UBN2: variants seen among roughly 807,000 people sequenced by gnomAD.
The protein encoded by UBN2 is ubinuclein 2.
A neutral mutation model predicts 120.2 loss-of-function variants in UBN2; 35 were observed. That is an observed-to-expected ratio of 0.29 (90% CI 0.22 to 0.39). UBN2 has a LOEUF of 0.39. UBN2 is among the 10% of genes least tolerant of loss of function. The pLI, the probability that UBN2 is intolerant of heterozygous loss-of-function variation, is 1.00. For missense variants in UBN2, 1,693 were observed against 1,663.2 expected (o/e 1.02, Z -0.31); for synonymous variants, 661 against 648.7 (o/e 1.02, Z -0.29).
Position 139,252,845 on chromosome 7 carries a change from CTCAA to C in UBN2, c.663+793_663+796del, listed in dbSNP as rs1199799456. Among the ~76,000 whole-genome samples the C allele has an allele frequency of 2.0e-5, 3 of 152,180 alleles. No homozygotes were observed. In the East Asian group the frequency reaches 5.8e-4, roughly 29 times the overall value. ...AAAACATTAAGTTAAGCTAGTGGTT[CTCAA>C]TCAAGGGTGAGAATATTAGTACACT... is the stretch of plus-strand genomic sequence containing the variant. On this transcript the variant is annotated intron_variant, in intron 3 of 17. Coordinates refer to ENST00000473989, the MANE Select transcript of UBN2 (RefSeq NM_173569.4).
intron 13 of UBN2, 34 bp downstream of exon 13, chr7:139,279,394 A>C: frequency 6.5e-7 from 1 of 1,529,836 alleles, no homozygotes; most frequent in Non-Finnish European, 9.0e-7. Context: ...AATTAGTTAT[A>C]GTTGGTGAAT....
the UBN2 span, among the ~76,000 whole-genome samples, chr7:139,323,465 A>G: frequency 6.6e-6 from 1 of 152,130 alleles, no homozygotes; most frequent in South Asian, 2.1e-4. Flanking sequence ...CTTCGTTCCC[A>G]AATTTTTGTA....
At position 139,290,865 on chromosome 7, in the gene UBN2, G is replaced by A. The variant is rs149008053; in HGVS notation, c.3670-2367G>A. Among the ~76,000 whole-genome samples the A allele has an allele frequency of 5.3e-5, 8 of 152,288 alleles. No individual in the cohort carries two copies. In the East Asian group the frequency reaches 1.3e-3, roughly 26 times the overall value. On this transcript the variant is annotated intron_variant, in intron 15 of 17. Coordinates refer to ENST00000473989, the MANE Select transcript of UBN2 (RefSeq NM_173569.4). ...AGTGTATAAATATATGTAATGTTAT[G>A]TGGCATGTGTGTGTGGAAAGATTGT... is the stretch of plus-strand genomic sequence containing the variant.
chr7:139,297,062 T>C (rs536205515), intron 17 of UBN2, among the ~76,000 whole-genome samples: 1 of 151,934 alleles, frequency 6.6e-6, no homozygotes, highest in South Asian at 2.1e-4. Context: ...GGCATGGTGG[T>C]GTGCGCCTGT....
intron 1 of UBN2, among the ~76,000 whole-genome samples, chr7:139,232,436 G>C (rs991488921): frequency 2.0e-5 from 3 of 152,174 alleles, no homozygotes; most frequent in Non-Finnish European, 4.4e-5. Context: ...TGTTTGTTTT[G>C]CTGGGCGCCG....
rs2131039326 is a variant in UBN2, at chr7:139,284,021, T to C, written c.3116T>C (p.Leu1039Pro). Reference sequence around the variant, plus strand: ...TTCTCGATGGCTGCCTCCCCAAAACTTGCCGCATCTCCCAAGCCTGCCACA... The same window carrying C: ...TTCTCGATGGCTGCCTCCCCAAAACCTGCCGCATCTCCCAAGCCTGCCACA... ...SPFSMAASPK[L>P]AASPKPATSP... The change falls in exon 15 of 18, where the codon CTT (leucine) becomes CCT (proline). Residue 1039 changes from leucine (L) to proline (P), a missense_variant. Leu to Pro is a moderately conservative substitution (Grantham distance 98). Transcript: ENST00000473989. 6.2e-7 allele frequency: 1 copy of C among 1,613,908 alleles called. No individual in the cohort carries two copies. Among genetic ancestry groups the C allele is most frequent in the Non-Finnish European group, 8.5e-7 (1 of 1,179,970 alleles).
intron 7 of UBN2, among the ~76,000 whole-genome samples, chr7:139,266,716 T>C (rs1301384018): frequency 6.6e-6 from 1 of 152,178 alleles, no homozygotes; most frequent in East Asian, 1.9e-4. Flanking sequence ...TTCTGGGAAA[T>C]GTTAGAGCGT....
At chr7:139,254,360 T>A (rs1485343900) in intron 3 of UBN2, among the ~76,000 whole-genome samples, 1 of 152,222 alleles carries the variant, frequency 6.6e-6, no homozygotes, top group Non-Finnish European at 1.5e-5. Context: ...CAGTCTGGTC[T>A]GTAGAAGTAA....
At chr7:139,232,051 C>G (rs1384043383) in intron 1 of UBN2, 99 bp downstream of exon 1, 1 of 1,213,862 alleles carries the variant, frequency 8.2e-7, no homozygotes, top group African/African-American at 1.6e-5. Flanking sequence ...CCGAGCGCGT[C>G]CGGGTCGCCC....
At chr7:139,241,863 T>G (rs1000875083) in intron 2 of UBN2, among the ~76,000 whole-genome samples, 1 of 152,152 alleles carries the variant, frequency 6.6e-6, no homozygotes, top group African/African-American at 2.4e-5. Flanking sequence ...CTGGGCATGG[T>G]GGTGGGTACC....
Position 139,297,778 on chromosome 7 carries a change from T to C in UBN2, c.3995-9T>C, listed in dbSNP as rs1798151836. ...GGACCCATACCAATTTAACGTCTCT[T>C]TTTCTCAGATGGAGGCCAAAGTAAA... On this transcript the variant is annotated splice_polypyrimidine_tract_variant and intron_variant, in intron 17 of 17. Coordinates refer to ENST00000473989, the MANE Select transcript of UBN2 (RefSeq NM_173569.4). 6.2e-7 allele frequency: 1 copy of C among 1,614,126 alleles called. No individual in the cohort carries two copies. Among genetic ancestry groups the C allele is most frequent in the African/African-American group, 1.3e-5 (1 of 75,052 alleles).
intron 14 of UBN2, among the ~76,000 whole-genome samples, chr7:139,282,796 G>C (rs1360266531): frequency 1.3e-5 from 2 of 152,070 alleles, no homozygotes; most frequent in African/African-American, 4.8e-5. Context: ...CCTTCCACTT[G>C]GTGTTAAGTA....
intron 12 of UBN2, chr7:139,277,731 G>T (rs2131022164): frequency 6.6e-6 from 1 of 152,264 alleles, no homozygotes; most frequent in Non-Finnish European, 1.5e-5. Context: ...TGTGTCAGTG[G>T]TATTTTCGGC....
At position 139,261,653 on chromosome 7, in the gene UBN2, A is replaced by T. The variant is rs376449297; in HGVS notation, c.1307A>T (p.Tyr436Phe). The change falls in exon 6 of 18, where the codon TAC (tyrosine) becomes TTC (phenylalanine). Residue 436 changes from tyrosine to phenylalanine, a missense_variant. Tyr to Phe is a conservative substitution (Grantham distance 22). Transcript: ENST00000473989. ...AATGGAACCACCACCCAGCCAACCT[A>T]CACTTCTCAGGTTATGCCCAAAGTG... ...GENGTTTQPT[Y>F]TSQVMPKVVP... The T allele has an allele frequency of 1.2e-6, 2 of 1,614,122 alleles. No individual in the cohort carries two copies. The highest frequency in any genetic ancestry group is 2.2e-5 in the East Asian group (1 of 44,880).
At chr7:139,275,312 G>A (rs1019176279) in intron 11 of UBN2, among the ~76,000 whole-genome samples, 3 of 149,604 alleles carry the variant, frequency 2.0e-5, no homozygotes, top group African/African-American at 4.9e-5. Context: ...CGCTGGGCAC[G>A]GTGGCTCACG....
Position 139,258,597 on chromosome 7 carries a change from CA to C in UBN2, c.774del (p.Asp259ThrfsTer13). ...TCAGATACTGAAGAAGATGATATTA[CA>C]GACAACCAAAAGCACAAGCCACCCA... ...QASDTEEDDI[T>X]DNQKHKPPKV... On this transcript the variant is annotated frameshift_variant, in exon 4 of 18. Coordinates refer to ENST00000473989, the MANE Select transcript of UBN2 (RefSeq NM_173569.4). LOFTEE classifies it high-confidence loss of function. The C allele has an allele frequency of 6.2e-7, 1 of 1,601,810 alleles. No individual in the cohort carries two copies. Among genetic ancestry groups the C allele is most frequent in the Non-Finnish European group, 8.5e-7 (1 of 1,172,912 alleles).
chr7:139,253,563 T>C (rs1420366003), intron 3 of UBN2, among the ~76,000 whole-genome samples: 2 of 152,214 alleles, frequency 1.3e-5, no homozygotes, highest in Non-Finnish European at 2.9e-5. Context: ...GGATGGTACA[T>C]TGAGTGCCAG....
At chr7:139,285,846 GAT>G (rs1277647065) in intron 15 of UBN2, among the ~76,000 whole-genome samples, 1 of 151,986 alleles carries the variant, frequency 6.6e-6, no homozygotes, top group Non-Finnish European at 1.5e-5. Flanking sequence ...GGGTTCAGGA[GAT>G]TCTCCTGCCT....
At chr7:139,291,147 G>C (rs1009589164) in intron 15 of UBN2, among the ~76,000 whole-genome samples, 2 of 151,966 alleles carry the variant, frequency 1.3e-5, no homozygotes, top group African/African-American at 4.8e-5. Context: ...GATCACTTGA[G>C]CACAGGAGTT....
Sources: allele counts gnomAD v4.1 joint callset (sites outside exome capture counted in the v4.1 genomes callset), GRCh38; gene constraint gnomAD v4.1.1; transcripts MANE v1.5; gene names NCBI Gene and HGNC (gene_info 2026-07-23, HGNC 2026-07-21).